Variants in CDKAL1 observed in about 807,000 individuals in gnomAD.
The protein encoded by CDKAL1 is threonylcarbamoyladenosine tRNA methylthiotransferase.
A neutral mutation model predicts 68.2 loss-of-function variants in CDKAL1; 32 were observed. The observed-to-expected ratio is 0.47, with a 90% CI of 0.35 to 0.63. The LOEUF (loss-of-function observed/expected upper bound fraction) is 0.63. Among genes scored for constraint, CDKAL1 ranks in the 30% least tolerant of loss-of-function variants. The probability of loss-of-function intolerance (pLI) is 0.00; values close to 1 mark genes in which losing one functional copy is unlikely to be tolerated. For synonymous variants in CDKAL1, 234 were observed against 244.3 expected (o/e 0.96, Z 0.39); for missense variants, 606 against 696.7 (o/e 0.87, Z 1.47).
At chr6:20,832,787 A>G (rs1777772231) in intron 8 of CDKAL1, among the ~76,000 whole-genome samples, 1 of 152,214 alleles carries the variant, frequency 6.6e-6, no homozygotes, top group Non-Finnish European at 1.5e-5. Flanking sequence ...TTTCAATGGC[A>G]TATCATAAAT....
chr6:20,962,368 G>A (rs1765099839), intron 10 of CDKAL1, among the ~76,000 whole-genome samples: 1 of 152,090 alleles, frequency 6.6e-6, no homozygotes, highest in East Asian at 1.9e-4. Context: ...TAACAAATCA[G>A]CTTCCTGCTA....
At chr6:21,069,665 A>G (rs1192206806) in intron 12 of CDKAL1, among the ~76,000 whole-genome samples, 2 of 151,540 alleles carry the variant, frequency 1.3e-5, no homozygotes, top group South Asian at 2.1e-4. Flanking sequence ...GAATTAGTTG[A>G]GAAATCTTCC....
chr6:21,180,987 C>T (rs768768653), intron 13 of CDKAL1, among the ~76,000 whole-genome samples: 29 of 152,256 alleles, frequency 1.9e-4, no homozygotes, highest in Non-Finnish European at 3.8e-4. Context: ...AGCCTGGCAG[C>T]AGCATCTGAC....
intron 5 of CDKAL1, among the ~76,000 whole-genome samples, chr6:20,672,262 C>A (rs866870446): frequency 3.6e-5 from 3 of 82,876 alleles, no homozygotes; most frequent in Non-Finnish European, 7.9e-5. Flanking sequence ...TTCTTTCTTT[C>A]TTTTTCTTTT....
chr6:20,998,981 G>A (rs543652422), intron 10 of CDKAL1, among the ~76,000 whole-genome samples: 3 of 151,370 alleles, frequency 2.0e-5, no homozygotes, highest in Non-Finnish European at 4.4e-5. Context: ...TGGTTGATCC[G>A]TATGCATGAC....
At chr6:20,911,572 A>G (rs1189712885) in intron 9 of CDKAL1, among the ~76,000 whole-genome samples, 2 of 152,238 alleles carry the variant, frequency 1.3e-5, no homozygotes, top group Non-Finnish European at 2.9e-5. Context: ...TAAGGTTTTC[A>G]CATTATTACA....
At chr6:21,138,938 C>T (rs1298163207) in intron 13 of CDKAL1, among the ~76,000 whole-genome samples, 1 of 152,134 alleles carries the variant, frequency 6.6e-6, no homozygotes, top group Non-Finnish European at 1.5e-5. Flanking sequence ...CTTATGGACT[C>T]GGCGACCTCG....
At chr6:20,572,135 T>G (rs1407454454) in intron 4 of CDKAL1, among the ~76,000 whole-genome samples, 1 of 152,174 alleles carries the variant, frequency 6.6e-6, no homozygotes. Context: ...GCAGCCAGGT[T>G]AGCTTTATTG....
intron 13 of CDKAL1, among the ~76,000 whole-genome samples, chr6:21,159,215 T>C (rs534756724): frequency 6.6e-6 from 1 of 152,144 alleles, no homozygotes; most frequent in Admixed American, 6.5e-5. Flanking sequence ...GATAAATATA[T>C]TTCCAGGATG....
chr6:21,084,264 G>C (rs1772576409), intron 12 of CDKAL1, among the ~76,000 whole-genome samples: 1 of 152,098 alleles, frequency 6.6e-6, no homozygotes, highest in Admixed American at 6.5e-5. Context: ...TAAGTCCTTA[G>C]ACTATATTTT....
At chr6:20,649,690 G>A (rs2127760721) in intron 5 of CDKAL1, among the ~76,000 whole-genome samples, 1 of 152,174 alleles carries the variant, frequency 6.6e-6, no homozygotes, top group Admixed American at 6.5e-5. Context: ...AGCCCTATAT[G>A]CATTAGCTAT....
chr6:20,957,853 C>G (rs542273963), intron 10 of CDKAL1, among the ~76,000 whole-genome samples: 1 of 151,994 alleles, frequency 6.6e-6, no homozygotes, highest in African/African-American at 2.4e-5. Context: ...TGCCTGTAAT[C>G]CCAGCTACTC....
intron 11 of CDKAL1, among the ~76,000 whole-genome samples, chr6:21,045,147 T>C (rs908598333): frequency 1.3e-5 from 2 of 152,180 alleles, no homozygotes; most frequent in Non-Finnish European, 2.9e-5. Context: ...ACCATAGCAC[T>C]TGGCGAAATA....
chr6:20,939,015 GTCT>G (rs1399737099), intron 9 of CDKAL1, among the ~76,000 whole-genome samples: 1 of 151,558 alleles, frequency 6.6e-6, no homozygotes, highest in Non-Finnish European at 1.5e-5. Context: ...CTTTCTTCCT[GTCT>G]TCTTATTAAT....
chr6:20,964,333 C>T (rs1765195944), intron 10 of CDKAL1, among the ~76,000 whole-genome samples: 1 of 152,168 alleles, frequency 6.6e-6, no homozygotes, highest in Non-Finnish European at 1.5e-5. Flanking sequence ...GAATATAAAT[C>T]ATTCTGTTAT....
chr6:20,688,480 C>T (rs1369352710), intron 5 of CDKAL1, among the ~76,000 whole-genome samples: 1 of 150,160 alleles, frequency 6.7e-6, no homozygotes, highest in Non-Finnish European at 1.5e-5. Context: ...TTGTACATTT[C>T]TATTGTGATA....
chr6:20,974,384 G>A (rs1765740888), intron 10 of CDKAL1, among the ~76,000 whole-genome samples: 1 of 152,062 alleles, frequency 6.6e-6, no homozygotes, highest in Non-Finnish European at 1.5e-5. Flanking sequence ...TTAAAATTTG[G>A]GAATTTTATT....
At chr6:21,030,811 T>C (rs1352215349) in intron 11 of CDKAL1, among the ~76,000 whole-genome samples, 4 of 152,196 alleles carry the variant, frequency 2.6e-5, no homozygotes, top group Non-Finnish European at 4.4e-5. Flanking sequence ...CAGTCTCTTA[T>C]GCCAGCTGCT....
intron 4 of CDKAL1, among the ~76,000 whole-genome samples, chr6:20,627,660 A>G (rs9465839): frequency 0.29 from 44,437 of 152,086 alleles, 6,598 homozygotes; most frequent in Middle Eastern, 0.38. Flanking sequence ...CGTTAAAGTT[A>G]TATATCAATT....
Sources: gnomAD v4.1 joint callset for allele counts (sites outside exome capture counted in the v4.1 genomes callset) on GRCh38, gnomAD v4.1.1 for gene constraint, MANE v1.5 for transcripts, NCBI Gene and HGNC (gene_info 2026-07-23, HGNC 2026-07-21) for gene names.